The following CDH13 variants were observed in gnomAD, a reference collection of about 807,000 sequenced individuals.
CDH13 encodes the protein cadherin 13.
CDH13 carries 24 observed loss-of-function variants against 63.8 expected under a neutral mutation model. That is an observed-to-expected ratio of 0.38 (90% CI 0.27 to 0.53). The LOEUF is 0.53. Ranked by LOEUF, CDH13 falls within the 20% of genes least tolerant of loss-of-function variation. The probability of loss-of-function intolerance (pLI) is 0.85; values close to 1 mark genes in which losing one functional copy is unlikely to be tolerated. For missense variants in CDH13, 1,049 were observed against 903.1 expected, an observed-to-expected ratio of 1.16 and a Z score of -2.07; for synonymous variants, 503 against 355.3, an observed-to-expected ratio of 1.42 and a Z score of -4.67.
At chr16:83,293,295 G>A (rs535159753) in intron 5 of CDH13, among the ~76,000 whole-genome samples, 5 of 152,224 alleles carry the variant, frequency 3.3e-5, no homozygotes, top group Admixed American at 6.5e-5. Context: ...AGCTTATTAC[G>A]TTAGAACCTG....
chr16:83,307,826 G>A (rs893825104), intron 5 of CDH13, among the ~76,000 whole-genome samples: 4 of 152,198 alleles, frequency 2.6e-5, no homozygotes, highest in Admixed American at 1.3e-4. Flanking sequence ...ACATCAGAGC[G>A]GGGGAGTAAT....
intron 6 of CDH13, among the ~76,000 whole-genome samples, chr16:83,358,906 C>A (rs2091106633): frequency 6.6e-6 from 1 of 152,002 alleles, no homozygotes; most frequent in African/African-American, 2.4e-5. Flanking sequence ...TTTTGATTTC[C>A]TAGTATTACT....
At chr16:83,466,304 C>A (rs772736588) in intron 6 of CDH13, among the ~76,000 whole-genome samples, 3 of 152,150 alleles carry the variant, frequency 2.0e-5, no homozygotes, top group Non-Finnish European at 4.4e-5. Context: ...AGACCCAGAG[C>A]CAGCAAAGGA....
At chr16:83,332,503 C>G (rs548261164) in intron 5 of CDH13, among the ~76,000 whole-genome samples, 1 of 152,284 alleles carries the variant, frequency 6.6e-6, no homozygotes, top group South Asian at 2.1e-4. Flanking sequence ...TTCTATTCCT[C>G]TGAATTTCAC....
chr16:83,243,351 C>A (rs1904665118), intron 5 of CDH13, among the ~76,000 whole-genome samples: 1 of 152,196 alleles, frequency 6.6e-6, no homozygotes, highest in African/African-American at 2.4e-5. Flanking sequence ...TACATGGCGG[C>A]AGGGAAGAGA....
chr16:83,754,794 T>C (rs1597181388), intron 11 of CDH13, among the ~76,000 whole-genome samples: 1 of 152,190 alleles, frequency 6.6e-6, no homozygotes, highest in Non-Finnish European at 1.5e-5. Flanking sequence ...TAAACCTCTT[T>C]CTTTTTTAAA....
intron 7 of CDH13, among the ~76,000 whole-genome samples, chr16:83,583,394 G>A (rs1327076265): frequency 2.6e-5 from 4 of 152,180 alleles, no homozygotes; most frequent in Non-Finnish European, 5.9e-5. Flanking sequence ...TCACTTTGAG[G>A]AGCTATCATT....
chr16:83,560,246 C>G (rs2150686231), intron 7 of CDH13, among the ~76,000 whole-genome samples: 1 of 152,326 alleles, frequency 6.6e-6, no homozygotes, highest in Middle Eastern at 3.4e-3. Flanking sequence ...AAATTCTTCT[C>G]TCTTACTTTT....
intron 1 of CDH13, among the ~76,000 whole-genome samples, chr16:82,769,585 C>G (rs1269498631): frequency 1.3e-5 from 2 of 152,118 alleles, no homozygotes; most frequent in Non-Finnish European, 2.9e-5. Flanking sequence ...CTGATGCCAC[C>G]CTACATATAA....
intron 6 of CDH13, among the ~76,000 whole-genome samples, chr16:83,399,390 A>G (rs2091933909): frequency 6.6e-6 from 1 of 152,232 alleles, no homozygotes; most frequent in African/African-American, 2.4e-5. Context: ...TGTGTACTAA[A>G]GATAGATCTT....
intron 13 of CDH13, among the ~76,000 whole-genome samples, chr16:83,789,337 C>CTTTTTTTTTTTTTTTTTTTTT (rs148503283): frequency 1.5e-5 from 2 of 132,306 alleles, no homozygotes; most frequent in African/African-American, 3.0e-5. Flanking sequence ...TAGTAGCTTT[C>CTTTTTTTTTTTTTTTTTTTTT]TTTTTTTTTG....
intron 6 of CDH13, among the ~76,000 whole-genome samples, chr16:83,432,488 C>T (rs1055917622): frequency 6.6e-6 from 1 of 152,168 alleles, no homozygotes; most frequent in Non-Finnish European, 1.5e-5. Context: ...AGATGTTCTT[C>T]TGGGGCATGG....
intron 1 of CDH13, among the ~76,000 whole-genome samples, chr16:82,698,959 C>A (rs974925322): frequency 6.6e-6 from 1 of 151,930 alleles, no homozygotes; most frequent in East Asian, 1.9e-4. Flanking sequence ...TGTAAAAAAA[C>A]AGAGATATTC....
chr16:83,039,888 C>T (rs752664154), intron 3 of CDH13, among the ~76,000 whole-genome samples: 5 of 152,130 alleles, frequency 3.3e-5, no homozygotes, highest in African/African-American at 9.7e-5. Context: ...ACCATTGATG[C>T]TTCAGAACCA....
intron 4 of CDH13, among the ~76,000 whole-genome samples, chr16:83,144,735 A>G (rs1163102009): frequency 1.3e-5 from 2 of 152,264 alleles, no homozygotes; most frequent in African/African-American, 4.8e-5. Flanking sequence ...TCCAACTGTC[A>G]GAATGAGTTC....
Position 83,555,519 on chromosome 16 carries a change from G to A in CDH13, c.961-46935G>A, listed in dbSNP as rs1160817368. The stretch of plus-strand genomic sequence containing the variant: ...ATTTCCAGTGTTCACTGGAAAAGCC[G>A]AAAGATTTATGTGAGCACTTAGTTG... On this transcript the variant is annotated intron_variant, in intron 7 of 13. Transcript: ENST00000567109. Among the ~76,000 whole-genome samples the A allele has an allele frequency of 1.4e-4, 21 of 152,310 alleles. No homozygotes were observed. The South Asian group carries it at 1.9e-3, about 14-fold the overall frequency.
In CDH13 at chr16:83,046,355, A is replaced by G. The variant is rs1025366492; in HGVS notation, c.366+14137A>G. Among the ~76,000 whole-genome samples the G allele has an allele frequency of 2.6e-5, 4 of 152,138 alleles. No individual in the cohort carries two copies. In the East Asian group the frequency reaches 7.7e-4, roughly 29 times the overall value. ...TAGGCGGCCATCAAAACATAAGACAACTGTTTTTCTTCCAGCAGAAAACCA... is the reference window on the plus strand; with the variant it reads ...TAGGCGGCCATCAAAACATAAGACAGCTGTTTTTCTTCCAGCAGAAAACCA... On this transcript the variant is annotated intron_variant, in intron 3 of 13. Transcript: ENST00000567109.
intron 5 of CDH13, among the ~76,000 whole-genome samples, chr16:83,311,651 G>T (rs1417156545): frequency 2.6e-5 from 4 of 152,170 alleles, no homozygotes; most frequent in Non-Finnish European, 5.9e-5. Context: ...TTGTTGTTCT[G>T]TACATAGCAT....
At chr16:83,340,779 T>C (rs2090705022) in intron 5 of CDH13, among the ~76,000 whole-genome samples, 1 of 152,204 alleles carries the variant, frequency 6.6e-6, no homozygotes, top group South Asian at 2.1e-4. Flanking sequence ...GAGTTCAGGC[T>C]ACCTACTATG....
Sources: allele counts gnomAD v4.1 joint callset (sites outside exome capture counted in the v4.1 genomes callset), GRCh38; gene constraint gnomAD v4.1.1; transcripts MANE v1.5; gene names NCBI Gene and HGNC (gene_info 2026-07-23, HGNC 2026-07-21).